Variants in ZNF841 observed in about 807,000 individuals in gnomAD.
ZNF841 encodes TCONS_00006091.
A neutral mutation model predicts 13.0 loss-of-function variants in ZNF841; 11 were observed. The observed-to-expected ratio is 0.85, with a 90% CI of 0.53 to 1.40. The LOEUF (loss-of-function observed/expected upper bound fraction) is 1.40. Among genes scored for constraint, ZNF841 ranks in the 40% most tolerant of loss-of-function variants. ZNF841 has a pLI of 0.00. For missense variants in ZNF841, 1,068 were observed against 1,139.5 expected, an observed-to-expected ratio of 0.94 and a Z score of 0.90; for synonymous variants, 369 against 381.6, an observed-to-expected ratio of 0.97 and a Z score of 0.38.
intron 3 of ZNF841, among the ~76,000 whole-genome samples, chr19:52,086,417 G>A (rs572366233): frequency 7.9e-4 from 120 of 152,256 alleles, no homozygotes; most frequent in Middle Eastern, 3.4e-3. Context: ...CATGTGAGAC[G>A]CCTGTTCCTC....
intron 4 of ZNF841, among the ~76,000 whole-genome samples, chr19:52,078,322 C>T (rs1229383242): frequency 1.3e-5 from 2 of 151,698 alleles, no homozygotes; most frequent in African/African-American, 4.9e-5. Flanking sequence ...TATAAGCACA[C>T]AGAAGCACAC....
chr19:52,075,715 A>G (rs1245275404), intron 6 of ZNF841, among the ~76,000 whole-genome samples: 1 of 152,158 alleles, frequency 6.6e-6, no homozygotes, highest in Non-Finnish European at 1.5e-5. Context: ...GGAATCAAGA[A>G]CAGGAGGAGA....
chr19:52,059,366 A>T, the ZNF841 span, among the ~76,000 whole-genome samples: 20 of 96,220 alleles, frequency 2.1e-4, no homozygotes, highest in African/African-American at 5.1e-4. Flanking sequence ...AAAAAAAAAA[A>T]AAAAATATAT....
At chr19:52,084,653 T>C (rs2088210347) in intron 4 of ZNF841, 134 bp downstream of exon 4, 1 of 924,678 alleles carries the variant, frequency 1.1e-6, no homozygotes, top group Admixed American at 2.2e-5. Flanking sequence ...AGAGAGGGAC[T>C]GAAGGAAGGC....
rs766755651 is a variant in ZNF841, at chr19:52,066,117, T to C, written c.1765A>G (p.Arg589Gly). ...TAAGGTTTCTCTCCGGTATGCATTCTTTGATGACGTGCTAGGCATGAATAG... is the reference window on the plus strand; with the variant it reads ...TAAGGTTTCTCTCCGGTATGCATTCCTTGATGACGTGCTAGGCATGAATAG... The part of the protein sequence containing the change: ...TYYSCLARHQ[R>G]MHTGEKPYKC... Residue 589 changes from arginine to glycine, a missense_variant, in exon 7 of 7, where the codon AGA (arginine) becomes GGA (glycine). Coordinates refer to ENST00000594440, the MANE Select transcript of ZNF841 (RefSeq NM_001136499.2). 1.9e-6 allele frequency: 3 copies of C among 1,614,148 alleles called. No homozygotes were observed. Among genetic ancestry groups the C allele is most frequent in the Non-Finnish European group, 1.7e-6 (2 of 1,179,996 alleles).
At chr19:52,068,130 A>C (rs1382579489) in intron 6 of ZNF841, among the ~76,000 whole-genome samples, 1 of 152,224 alleles carries the variant, frequency 6.6e-6, no homozygotes, top group Non-Finnish European at 1.5e-5. Flanking sequence ...CACAAAATAC[A>C]AATCTATAGT....
intron 4 of ZNF841, among the ~76,000 whole-genome samples, chr19:52,080,282 AT>A (rs1268925033): frequency 1.3e-5 from 2 of 152,214 alleles, no homozygotes; most frequent in African/African-American, 4.8e-5. Flanking sequence ...CAGTGAAATG[AT>A]TTTAACAACA....
At chr19:52,074,216 C>T (rs926881236) in intron 6 of ZNF841, among the ~76,000 whole-genome samples, 1 of 152,078 alleles carries the variant, frequency 6.6e-6, no homozygotes, top group Non-Finnish European at 1.5e-5. Context: ...ACAACACTAC[C>T]ACAATAGAAA....
chr19:52,063,056 T>C (rs563193476), downstream of ZNF841, among the ~76,000 whole-genome samples: 2 of 152,170 alleles, frequency 1.3e-5, no homozygotes, highest in South Asian at 2.1e-4. Context: ...TTTGTATTTT[T>C]AGTAGAGACG....
chr19:52,063,010 G>C (rs2087430410), downstream of ZNF841, among the ~76,000 whole-genome samples: 1 of 151,784 alleles, frequency 6.6e-6, no homozygotes, highest in Admixed American at 6.6e-5. Context: ...TAAGTAGCTG[G>C]GACTGCAGGC....
downstream of ZNF841, among the ~76,000 whole-genome samples, chr19:52,064,214 C>T (rs1050522047): frequency 3.3e-5 from 5 of 151,702 alleles, no homozygotes; most frequent in Admixed American, 3.3e-4. Flanking sequence ...GGCGCGGTGG[C>T]GAGCGCCTGT....
chr19:52,075,944 A>C lies in ZNF841; in HGVS notation c.271+100T>G, dbSNP rs1012833611. On this transcript the variant is annotated intron_variant, in intron 6 of 6. Transcript: ENST00000594440. ...AAAGAAGAAAACTTCTGGAGCTCAC[A>C]GAAAATCAAATTTGTTTCCCCACAG... 3.5e-6 allele frequency: 5 copies of C among 1,448,952 alleles called. No homozygotes were observed. The Admixed American group carries it at 1.2e-4, about 36-fold the overall frequency. 89.8% of individuals were successfully genotyped at this position (1,448,952 alleles called of 1,614,324 possible).
Position 52,066,162 on chromosome 19 carries a change from A to G in ZNF841, c.1720T>C (p.Cys574Arg), listed in dbSNP as rs757207447. 58 of 1,613,878 alleles carry G rather than the reference A, an allele frequency of 3.6e-5. No individual in the cohort carries two copies. Among genetic ancestry groups the G allele is most frequent in the Non-Finnish European group, 5.1e-6 (6 of 1,179,936 alleles). The change falls in exon 7 of 7, where the codon TGT becomes CGT. Residue 574 changes from cysteine (C) to arginine (R), a missense_variant. By Grantham distance (180) the Cys-to-Arg change is radical. Transcript: ENST00000594440. ...GAATAGTAAGTGAAGACCATGCCAC[A>G]TTTATTACAATGGAGAGGTTTCTCT... ...TGEKPLHCNK[C>R]GMVFTYYSCL...
downstream of ZNF841, among the ~76,000 whole-genome samples, chr19:52,060,595 G>A (rs761942799): frequency 6.6e-6 from 1 of 151,042 alleles, no homozygotes; most frequent in Non-Finnish European, 1.5e-5. Flanking sequence ...CTAGTAGCTC[G>A]TTGGTAATTG....
chr19:52,071,136 G>T (rs1229985862), intron 6 of ZNF841, among the ~76,000 whole-genome samples: 1 of 152,158 alleles, frequency 6.6e-6, no homozygotes, highest in Non-Finnish European at 1.5e-5. Context: ...TACTATGGGT[G>T]CAGGACAACA....
intron 2 of ZNF841, among the ~76,000 whole-genome samples, chr19:52,093,212 A>G (rs567303380): frequency 6.6e-6 from 1 of 152,356 alleles, no homozygotes; most frequent in African/African-American, 2.4e-5. Flanking sequence ...GTGCCCATCC[A>G]TGAATAAATA....
At chr19:52,062,871 ATT>A (rs34996737), downstream of ZNF841, among the ~76,000 whole-genome samples, 10,076 of 120,022 alleles carry the variant, frequency 0.084, 323 homozygotes, top group East Asian at 0.16. Context: ...CTGTTGAGAA[ATT>A]TTTTTTTTTT....
intron 4 of ZNF841, among the ~76,000 whole-genome samples, chr19:52,083,217 C>T (rs1466949570): frequency 1.3e-5 from 2 of 151,942 alleles, no homozygotes; most frequent in Non-Finnish European, 2.9e-5. Context: ...ACAGAACTTA[C>T]AATAGTAGCT....
chr19:52,086,803 T>A (rs893255114), intron 3 of ZNF841, among the ~76,000 whole-genome samples: 2 of 152,258 alleles, frequency 1.3e-5, no homozygotes, highest in Non-Finnish European at 2.9e-5. Flanking sequence ...AAGCAGGAAA[T>A]GAAATACATT....
Sources: allele counts gnomAD v4.1 joint callset (sites outside exome capture counted in the v4.1 genomes callset), GRCh38; gene constraint gnomAD v4.1.1; transcripts MANE v1.5; gene names NCBI Gene and HGNC (gene_info 2026-07-23, HGNC 2026-07-21).